MACROD2: variants seen among roughly 807,000 people sequenced by gnomAD.
The protein encoded by MACROD2 is ADP-ribose glycohydrolase MACROD2.
Under a neutral mutation model 70.4 loss-of-function variants are expected in MACROD2, and 36 were observed. That is an observed-to-expected ratio of 0.51 (90% CI 0.39 to 0.68). The LOEUF is 0.68. Ranked by LOEUF, MACROD2 falls within the 30% of genes least tolerant of loss-of-function variation. The pLI, the probability that MACROD2 is intolerant of heterozygous loss-of-function variation, is 0.00. For synonymous variants in MACROD2, 172 were observed against 178.8 expected, an observed-to-expected ratio of 0.96 and a Z score of 0.30; for missense variants, 496 against 538.4, an observed-to-expected ratio of 0.92 and a Z score of 0.78.
intron 5 of MACROD2, among the ~76,000 whole-genome samples, chr20:14,925,375 A>G (rs534349061): frequency 2.0e-5 from 3 of 152,202 alleles, no homozygotes; most frequent in Non-Finnish European, 4.4e-5. Context: ...GTGGTTATAC[A>G]TAATACTTAT....
chr20:15,620,344 C>G (rs1600676764), intron 8 of MACROD2, among the ~76,000 whole-genome samples: 2 of 152,142 alleles, frequency 1.3e-5, no homozygotes, highest in East Asian at 3.9e-4. Context: ...AAGGGATGAT[C>G]ATGTTGCTTC....
At chr20:14,837,963 A>AC (rs2073048250) in intron 5 of MACROD2, among the ~76,000 whole-genome samples, 3 of 151,102 alleles carry the variant, frequency 2.0e-5, no homozygotes, top group Non-Finnish European at 3.0e-5. Context: ...AACAAAACAA[A>AC]ACAAAACAAA....
In MACROD2 at chr20:15,397,955, A is replaced by G. The variant is rs148194219; in HGVS notation, c.541-33450A>G. Among the ~76,000 whole-genome samples, 1,407 of 152,318 alleles carry G rather than the reference A, an allele frequency of 9.2e-3. 25 individuals carry two copies. Among genetic ancestry groups the G allele is most frequent in the African/African-American group, 0.033 (1,354 of 41,570 alleles). ...AATTTAGTAAACTTAGAGCAGAGAA[A>G]AACTATAGCTTCTTGCTGCTAGAAG... On this transcript the variant is annotated intron_variant, in intron 6 of 17. Coordinates refer to ENST00000684519, the MANE Select transcript of MACROD2 (RefSeq NM_001351661.2).
chr20:15,496,540 G>A (rs2047300160), intron 7 of MACROD2, among the ~76,000 whole-genome samples: 1 of 152,114 alleles, frequency 6.6e-6, no homozygotes, highest in African/African-American at 2.4e-5. Flanking sequence ...TTCTCTGTGG[G>A]GAATTATGTC....
intron 7 of MACROD2, among the ~76,000 whole-genome samples, chr20:15,499,317 A>G (rs1224596679): frequency 6.6e-6 from 1 of 152,136 alleles, no homozygotes; most frequent in Non-Finnish European, 1.5e-5. Context: ...TTTCTGTGGT[A>G]TGTTTCATTG....
chr20:15,828,469 C>A (rs1192907827), intron 8 of MACROD2, among the ~76,000 whole-genome samples: 1 of 152,134 alleles, frequency 6.6e-6, no homozygotes, highest in Non-Finnish European at 1.5e-5. Context: ...TTCAAAGGTA[C>A]AAGGTAACAA....
At chr20:14,325,961 C>G in intron 3 of MACROD2, 1 of 1,613,848 alleles carries the variant, frequency 6.2e-7, no homozygotes, top group South Asian at 1.1e-5. Flanking sequence ...TTCTCTTGCT[C>G]TCGATTGAGG....
At chr20:14,027,294 GT>G (rs1478243206) in intron 2 of MACROD2, among the ~76,000 whole-genome samples, 1 of 152,034 alleles carries the variant, frequency 6.6e-6, no homozygotes, top group African/African-American at 2.4e-5. Context: ...CTCGTGCTGT[GT>G]TTTTCAGCTC....
At chr20:14,313,550 T>C (rs6131568) in intron 3 of MACROD2, among the ~76,000 whole-genome samples, 29,368 of 151,818 alleles carry the variant, frequency 0.19, 3,067 homozygotes, top group South Asian at 0.34. Flanking sequence ...CAGAAAAATG[T>C]GTGAAATTTG....
intron 3 of MACROD2, among the ~76,000 whole-genome samples, chr20:14,148,579 T>C (rs2054971141): frequency 6.6e-6 from 1 of 152,216 alleles, no homozygotes; most frequent in Non-Finnish European, 1.5e-5. Context: ...TCAAGGAAGC[T>C]GCACTGTTAC....
At chr20:15,777,538 C>T (rs142821976) in intron 8 of MACROD2, among the ~76,000 whole-genome samples, 52 of 61,056 alleles carry the variant, frequency 8.5e-4, no homozygotes, top group African/African-American at 2.0e-3. Flanking sequence ...TCCTTCCTTC[C>T]TTCCTTCCTT....
intron 8 of MACROD2, among the ~76,000 whole-genome samples, chr20:15,685,875 G>A (rs1033920258): frequency 1.8e-4 from 27 of 152,158 alleles, no homozygotes; most frequent in Admixed American, 3.3e-4. Context: ...TTTGCTACTC[G>A]ATATTGAAAT....
chr20:15,070,814 T>C (rs1424265252), intron 5 of MACROD2, among the ~76,000 whole-genome samples: 1 of 151,970 alleles, frequency 6.6e-6, no homozygotes, highest in Non-Finnish European at 1.5e-5. Flanking sequence ...TATTCCTTTA[T>C]GGCAACTCAA....
intron 3 of MACROD2, among the ~76,000 whole-genome samples, chr20:14,409,266 A>G (rs2122859775): frequency 6.6e-6 from 1 of 151,038 alleles, no homozygotes; most frequent in South Asian, 2.1e-4. Context: ...AGCTTGTCTA[A>G]TTTGCTGTGA....
intron 3 of MACROD2, among the ~76,000 whole-genome samples, chr20:14,389,165 C>T (rs2083498794): frequency 6.6e-6 from 1 of 151,986 alleles, no homozygotes; most frequent in Non-Finnish European, 1.5e-5. Context: ...CAGGCGTGAG[C>T]CACCGCGGCT....
intron 6 of MACROD2, among the ~76,000 whole-genome samples, chr20:15,363,008 GAAGGGAGA>G (rs1346995177): frequency 8.8e-6 from 1 of 113,458 alleles, no homozygotes; most frequent in East Asian, 2.7e-4. Context: ...AGGAAAGAAG[GAAGGGAGA>G]AAGGGAGGAA....
chr20:15,452,407 G>A (rs2046655912), intron 7 of MACROD2, among the ~76,000 whole-genome samples: 1 of 152,096 alleles, frequency 6.6e-6, no homozygotes, highest in Non-Finnish European at 1.5e-5. Context: ...AGATAGATAA[G>A]TTTGTTTCCC....
intron 3 of MACROD2, among the ~76,000 whole-genome samples, chr20:14,278,605 A>T (rs1171384784): frequency 1.3e-5 from 2 of 152,192 alleles, no homozygotes; most frequent in Admixed American, 6.5e-5. Flanking sequence ...CTGTAAAGAA[A>T]TATGTTTGCA....
At chr20:14,024,263 G>T (rs1365392160) in intron 2 of MACROD2, among the ~76,000 whole-genome samples, 1 of 152,190 alleles carries the variant, frequency 6.6e-6, no homozygotes, top group Non-Finnish European at 1.5e-5. Flanking sequence ...TGCTGAAGTT[G>T]CTTATCAGCT....
Sources: allele counts gnomAD v4.1 joint callset (sites outside exome capture counted in the v4.1 genomes callset), GRCh38; gene constraint gnomAD v4.1.1; transcripts MANE v1.5; gene names NCBI Gene and HGNC (gene_info 2026-07-23, HGNC 2026-07-21).